The following PAX2 variants were observed in gnomAD, a reference collection of about 807,000 sequenced individuals.
PAX2 encodes the protein paired box 2.
Under a neutral mutation model 41.7 loss-of-function variants are expected in PAX2, and 9 were observed. The observed-to-expected ratio is 0.22, with a 90% CI of 0.13 to 0.38. PAX2 has a LOEUF of 0.38. Ranked by LOEUF, PAX2 falls within the 10% of genes least tolerant of loss-of-function variation. The probability of loss-of-function intolerance (pLI) is 1.00; values close to 1 mark genes in which losing one functional copy is unlikely to be tolerated. For synonymous variants in PAX2, 221 were observed against 212.7 expected, an observed-to-expected ratio of 1.04 and a Z score of -0.34; for missense variants, 418 against 531.6, an observed-to-expected ratio of 0.79 and a Z score of 2.10.
At chr10:100,781,817 G>C (rs1255915645) in intron 5 of PAX2, among the ~76,000 whole-genome samples, 1 of 152,122 alleles carries the variant, frequency 6.6e-6, no homozygotes, top group Admixed American at 6.5e-5. Flanking sequence ...ACCGCCCCCA[G>C]TTCAAACCTC....
chr10:100,799,938 A>G (rs943689488), intron 5 of PAX2, among the ~76,000 whole-genome samples: 6 of 142,974 alleles, frequency 4.2e-5, no homozygotes, highest in African/African-American at 1.6e-4. Flanking sequence ...GGCGCCCACC[A>G]CTACACCCAG....
intron 7 of PAX2, among the ~76,000 whole-genome samples, chr10:100,817,529 G>T (rs373202371): frequency 6.6e-6 from 1 of 152,228 alleles, no homozygotes; most frequent in African/African-American, 2.4e-5. Flanking sequence ...GGTTGTGTCC[G>T]GCCGGTTGGC....
intron 6 of PAX2, 135 bp downstream of exon 6, chr10:100,806,740 G>C: frequency 1.2e-6 from 1 of 806,268 alleles, no homozygotes; most frequent in South Asian, 1.3e-5. Flanking sequence ...TGTGTGTGCA[G>C]TGTGAACAGG....
chr10:100,808,426 T>C (rs1847872983), intron 6 of PAX2, among the ~76,000 whole-genome samples: 1 of 152,098 alleles, frequency 6.6e-6, no homozygotes, highest in Admixed American at 6.5e-5. Context: ...CAGAGCAACT[T>C]TTCCTGCTTT....
Position 100,827,840 on chromosome 10 carries a change from C to A in PAX2, c.*221C>A, listed in dbSNP as rs1246734487. 4 of 637,414 alleles carry A rather than the reference C, an allele frequency of 6.3e-6. No individual in the cohort carries two copies. The highest frequency in any genetic ancestry group is 3.8e-5 in the African/African-American group (2 of 52,884). The allele number at this position is 637,414 out of a possible 1,614,324, so 39.5% of individuals were successfully genotyped here. On this transcript the variant is annotated 3_prime_UTR_variant, in exon 10 of 10. Transcript: ENST00000355243. This position sits in a 1 kb window ranked among gnomAD's most constrained non-coding sequence, Gnocchi z 8.5. ...CGTGGGCGGGACCCTCAGGCCCGGG[C>A]CCGCCGCCCCCAGCCCCGCCTGCCG...
At position 100,750,470 on chromosome 10, in the gene PAX2, G is replaced by C. The variant is rs1402422855; in HGVS notation, c.213-224G>C. ...TTGGGCTGGTGCGAACCCAGCCCCT[G>C]GTGTGGCCGTCTCCCTGGAGGGATG... On this transcript the variant is annotated intron_variant, in intron 2 of 9. Coordinates refer to ENST00000355243, the MANE Select transcript of PAX2 (RefSeq NM_000278.5). The surrounding 1 kb of genome is among the most constrained non-coding windows in gnomAD (Gnocchi z 4.1). Among the ~76,000 whole-genome samples, 1 of 152,204 alleles carries C rather than the reference G, an allele frequency of 6.6e-6. No individual in the cohort carries two copies. The highest frequency in any genetic ancestry group is 1.5e-5 in the Non-Finnish European group (1 of 68,024).
At position 100,824,851 on chromosome 10, in the gene PAX2, C is replaced by T; in HGVS notation, c.1021+102C>T. On this transcript the variant is annotated intron_variant, in intron 8 of 9. Transcript: ENST00000355243. This position sits in a 1 kb window ranked among gnomAD's most constrained non-coding sequence, Gnocchi z 6.6. ...TCTGAGGCTGGGGTGGGGGGAGACA[C>T]AACGTCCCCTCCCTGCAAACCACTG... The T allele has an allele frequency of 1.3e-6, 2 of 1,537,814 alleles. No homozygotes were observed. Among genetic ancestry groups the T allele is most frequent in the African/African-American group, 1.4e-5 (1 of 73,550 alleles).
At chr10:100,761,578 C>T (rs924796088) in intron 3 of PAX2, among the ~76,000 whole-genome samples, 3 of 152,208 alleles carry the variant, frequency 2.0e-5, no homozygotes, top group African/African-American at 4.8e-5. Flanking sequence ...GAGCATTAAT[C>T]GCATTAAAGA....
intron 5 of PAX2, among the ~76,000 whole-genome samples, chr10:100,784,887 T>G (rs755532815): frequency 1.3e-5 from 2 of 152,096 alleles, no homozygotes; most frequent in Non-Finnish European, 1.5e-5. Flanking sequence ...CCCCCTGACT[T>G]TCCCTTGAGA....
chr10:100,783,409 C>T (rs141874126), intron 5 of PAX2, among the ~76,000 whole-genome samples: 18 of 152,232 alleles, frequency 1.2e-4, no homozygotes, highest in African/African-American at 4.1e-4. Context: ...GGAGGGAGTA[C>T]ATGGCCAGGA....
At chr10:100,766,738 T>C (rs1408469379) in intron 3 of PAX2, among the ~76,000 whole-genome samples, 1 of 152,068 alleles carries the variant, frequency 6.6e-6, no homozygotes, top group African/African-American at 2.4e-5. Context: ...CAGGCCAGAG[T>C]AAGCTAAAAA....
rs771922876 is a variant in PAX2 at position 100,827,511 on chromosome 10, C to T, written c.1109-32C>T. 3.1e-6 allele frequency: 5 copies of T among 1,608,202 alleles called. No homozygotes were observed. The highest frequency in any genetic ancestry group is 4.3e-6 in the Non-Finnish European group (5 of 1,174,758). ...TTTGTTCTCCTGTTTGTCCTCTCACCCAGCCCATTCTTCTCCTGTGTTAAC... is the reference window on the plus strand; with the variant it reads ...TTTGTTCTCCTGTTTGTCCTCTCACTCAGCCCATTCTTCTCCTGTGTTAAC... On this transcript the variant is annotated intron_variant, in intron 9 of 9. Transcript: ENST00000355243. This position sits in a 1 kb window ranked among gnomAD's most constrained non-coding sequence, Gnocchi z 8.5.
At chr10:100,825,727 TG>T (rs1848529319) in intron 8 of PAX2, among the ~76,000 whole-genome samples, 1 of 152,096 alleles carries the variant, frequency 6.6e-6, no homozygotes, top group South Asian at 2.1e-4. Flanking sequence ...GGTATAACCC[TG>T]GGTAAGCAGA....
chr10:100,747,832 T>C (rs1038364307), intron 1 of PAX2: 1 of 984,830 alleles, frequency 1.0e-6, no homozygotes, highest in African/African-American at 1.8e-5. Flanking sequence ...ACACGCCGTT[T>C]TCGCCCAGCC....
chr10:100,800,675 G>A (rs944428841), intron 5 of PAX2, among the ~76,000 whole-genome samples: 2 of 152,146 alleles, frequency 1.3e-5, no homozygotes, highest in African/African-American at 4.8e-5. Flanking sequence ...GGTTCAGGGG[G>A]TGTCTCCCTC....
chr10:100,789,404 C>T (rs972570881), intron 5 of PAX2, among the ~76,000 whole-genome samples: 33 of 152,178 alleles, frequency 2.2e-4, no homozygotes, highest in African/African-American at 8.0e-4. Flanking sequence ...CTGTGCCCAG[C>T]CTGAGTTTGT....
At position 100,745,953 on chromosome 10, in the gene PAX2, G is replaced by A; in HGVS notation, c.-308G>A. 1.6e-6 allele frequency: 2 copies of A among 1,276,300 alleles called. No individual in the cohort carries two copies. The highest frequency in any genetic ancestry group is 2.1e-5 in the South Asian group (1 of 47,924). The allele number at this position is 1,276,300 out of a possible 1,614,324, so 79.1% of individuals were successfully genotyped here. A position where few individuals can be genotyped will look rare whatever the true frequency, so the allele number is the denominator to read the frequency against. ...CTTCAGCCCTGGCTGCAGCTGCAGC[G>A]CGAGCCATGCGCCCCCAGTGCACCC... On this transcript the variant is annotated 5_prime_UTR_variant, in exon 1 of 10. Transcript: ENST00000355243.
chr10:100,770,768 T>G (rs1305699688), intron 3 of PAX2, among the ~76,000 whole-genome samples: 1 of 152,254 alleles, frequency 6.6e-6, no homozygotes, highest in Non-Finnish European at 1.5e-5. Flanking sequence ...TTGAAATTAT[T>G]TCAATTTTTA....
intron 7 of PAX2, among the ~76,000 whole-genome samples, chr10:100,814,426 C>T (rs906288547): frequency 2.7e-5 from 4 of 150,446 alleles, no homozygotes; most frequent in Non-Finnish European, 5.9e-5. Flanking sequence ...ATCCCCCAGT[C>T]CCTTCCCACC....
Sources: gnomAD v4.1 joint callset for allele counts (sites outside exome capture counted in the v4.1 genomes callset) on GRCh38, gnomAD v4.1.1 for gene constraint, Gnocchi (gnomAD v3.1) non-coding constraint, MANE v1.5 for transcripts, NCBI Gene and HGNC (gene_info 2026-07-23, HGNC 2026-07-21) for gene names.